PDE1C: variants seen among roughly 807,000 people sequenced by gnomAD.
PDE1C encodes dual specificity calcium/calmodulin-dependent 3',5'-cyclic nucleotide phosphodiesterase 1C.
In PDE1C, 62 loss-of-function variants were observed where a neutral mutation model predicts 93.1. The ratio of observed to expected loss-of-function variants is 0.67; its 90% confidence interval spans 0.54 to 0.82. The LOEUF is 0.82. Ranked by LOEUF, PDE1C falls within the 40% of genes least tolerant of loss-of-function variation. The pLI is 0.00. For missense variants in PDE1C, 742 were observed against 884.6 expected, an observed-to-expected ratio of 0.84 and a Z score of 2.04; for synonymous variants, 325 against 310.1, an observed-to-expected ratio of 1.05 and a Z score of -0.50.
At chr7:31,934,207 T>A (rs1804707883) in intron 2 of PDE1C, among the ~76,000 whole-genome samples, 1 of 152,130 alleles carries the variant, frequency 6.6e-6, no homozygotes, top group Non-Finnish European at 1.5e-5. Context: ...TCCTCTCACT[T>A]AAGAATAGCT....
intron 1 of PDE1C, among the ~76,000 whole-genome samples, chr7:32,262,218 TC>T (rs933257319): frequency 1.3e-5 from 2 of 152,170 alleles, no homozygotes; most frequent in African/African-American, 4.8e-5. Context: ...TATTTCGTTC[TC>T]TGTGATTCCC....
chr7:31,621,695 C>T, the PDE1C span, among the ~76,000 whole-genome samples: 139 of 145,258 alleles, frequency 9.6e-4, no homozygotes, highest in Admixed American at 1.6e-3. Context: ...TAAACTGCAT[C>T]AACTAACGAG....
chr7:32,252,284 G>A (rs954627444), intron 1 of PDE1C, among the ~76,000 whole-genome samples: 3 of 152,232 alleles, frequency 2.0e-5, no homozygotes, highest in African/African-American at 4.8e-5. Flanking sequence ...ACAAGATCCC[G>A]GGACTATAAG....
chr7:32,327,930 A>G (rs1167731610), intron 1 of PDE1C, among the ~76,000 whole-genome samples: 2 of 152,128 alleles, frequency 1.3e-5, no homozygotes, highest in East Asian at 3.9e-4. Context: ...TGAACATACC[A>G]CCTTTTATTT....
At chr7:32,110,258 A>G (rs1798565133) in intron 3 of PDE1C, among the ~76,000 whole-genome samples, 1 of 152,206 alleles carries the variant, frequency 6.6e-6, no homozygotes, top group Admixed American at 6.5e-5. Flanking sequence ...GATCCCTTGC[A>G]GAAGGATTGT....
At chr7:31,879,223 G>A in intron 3 of PDE1C, 45 bp from the exon 4 acceptor site, 1 of 1,566,830 alleles carries the variant, frequency 6.4e-7, no homozygotes, top group African/African-American at 1.3e-5. Flanking sequence ...TAAATCTGAA[G>A]TTGGAGCTCT....
upstream of PDE1C, among the ~76,000 whole-genome samples, chr7:32,299,914 T>A (rs1812840837): frequency 6.6e-6 from 1 of 152,224 alleles, no homozygotes; most frequent in Non-Finnish European, 1.5e-5. Flanking sequence ...GAGGGTTCTG[T>A]GCTCAAGCTA....
chr7:31,833,738 T>C (rs1193738313), intron 11 of PDE1C, among the ~76,000 whole-genome samples: 4 of 152,150 alleles, frequency 2.6e-5, no homozygotes, highest in Non-Finnish European at 5.9e-5. Context: ...AAGAGGTAAC[T>C]TGGGTGCTGT....
chr7:32,192,282 G>A (rs933904366), intron 2 of PDE1C, among the ~76,000 whole-genome samples: 1 of 151,876 alleles, frequency 6.6e-6, no homozygotes, highest in Non-Finnish European at 1.5e-5. Context: ...ATTTTTCCTA[G>A]TCCTAAGTCC....
intron 16 of PDE1C, chr7:31,808,204 G>C (rs746429988): frequency 1.0e-5 from 5 of 490,778 alleles, no homozygotes; most frequent in South Asian, 5.9e-5. Flanking sequence ...ATGATTCAAA[G>C]AAGAGTTTAG....
the PDE1C span, among the ~76,000 whole-genome samples, chr7:31,645,890 C>A: frequency 6.6e-6 from 1 of 152,048 alleles, no homozygotes; most frequent in Non-Finnish European, 1.5e-5. Context: ...GGCTGTAAAA[C>A]TCAGCTCTAA....
chr7:32,373,243 T>G (rs1293025750), intron 1 of PDE1C, among the ~76,000 whole-genome samples: 1 of 152,118 alleles, frequency 6.6e-6, no homozygotes, highest in African/African-American at 2.4e-5. Context: ...ATAAACAAAA[T>G]GTAGTATATC....
intron 17 of PDE1C, among the ~76,000 whole-genome samples, chr7:31,758,236 G>A (rs1794598951): frequency 6.6e-6 from 1 of 152,076 alleles, no homozygotes; most frequent in African/African-American, 2.4e-5. Context: ...CATGGCCCAT[G>A]TATACGTATG....
At chr7:32,218,903 G>C (rs1562591042) in intron 1 of PDE1C, among the ~76,000 whole-genome samples, 2 of 152,104 alleles carry the variant, frequency 1.3e-5, no homozygotes, top group Admixed American at 1.3e-4. Flanking sequence ...CCATCTGTTG[G>C]GCTCCCTCCT....
intron 2 of PDE1C, among the ~76,000 whole-genome samples, chr7:31,911,176 A>G (rs1039510371): frequency 2.6e-5 from 4 of 152,216 alleles, no homozygotes; most frequent in African/African-American, 4.8e-5. Context: ...GATGGTACAT[A>G]TTGGTTATTA....
intron 2 of PDE1C, among the ~76,000 whole-genome samples, chr7:32,197,171 C>T (rs6462340): frequency 0.98 from 149,167 of 152,292 alleles, 73,125 homozygotes; most frequent in East Asian, 1. Context: ...AAATAAGATA[C>T]ACGAGTGGGC....
the PDE1C span, among the ~76,000 whole-genome samples, chr7:31,726,523 A>C: frequency 6.6e-6 from 1 of 152,196 alleles, no homozygotes; most frequent in Non-Finnish European, 1.5e-5. Flanking sequence ...TTCACAGAAC[A>C]CAACCGTCAG....
At chr7:31,997,360 T>G (rs1229232130) in intron 2 of PDE1C, among the ~76,000 whole-genome samples, 2 of 152,222 alleles carry the variant, frequency 1.3e-5, no homozygotes, top group African/African-American at 4.8e-5. Context: ...TTAAGAAATG[T>G]TGGTTCCACT....
chr7:31,807,097 A>G (rs924039380), intron 16 of PDE1C, among the ~76,000 whole-genome samples: 3 of 151,864 alleles, frequency 2.0e-5, no homozygotes, highest in Admixed American at 6.6e-5. Flanking sequence ...CTGAAGCTCA[A>G]TGCTCTAAGT....
Sources: gnomAD v4.1 joint callset for allele counts (sites outside exome capture counted in the v4.1 genomes callset) on GRCh38, gnomAD v4.1.1 for gene constraint, MANE v1.5 for transcripts, NCBI Gene and HGNC (gene_info 2026-07-23, HGNC 2026-07-21) for gene names.